Variants in GPR15LG observed in about 807,000 individuals in gnomAD.
GPR15LG encodes the protein G protein-coupled receptor 15 ligand.
chr10:84,180,202 G>T, the GPR15LG span, among the ~76,000 whole-genome samples: 1 of 152,254 alleles, frequency 6.6e-6, no homozygotes, highest in East Asian at 1.9e-4. Context: ...TGGGGGTAAG[G>T]TTATAGATTA....
At chr10:84,177,893 C>G in the GPR15LG span, among the ~76,000 whole-genome samples, 37 of 152,278 alleles carry the variant, frequency 2.4e-4, no homozygotes, top group Non-Finnish European at 2.5e-4. Context: ...ACCAACTGCT[C>G]AGAGGCAGGA....
the GPR15LG span, chr10:84,185,270 A>G: frequency 5.7e-6 from 1 of 174,428 alleles, no homozygotes; most frequent in African/African-American, 2.4e-5. Context: ...GTAATAAATA[A>G]ATAAATAAAC....
chr10:84,180,433 C>T, the GPR15LG span, among the ~76,000 whole-genome samples: 6 of 151,432 alleles, frequency 4.0e-5, no homozygotes. Flanking sequence ...CAGAGGGGCT[C>T]CTCAGTTCCC....
At chr10:84,183,396 G>A in the GPR15LG span, among the ~76,000 whole-genome samples, 1 of 152,310 alleles carries the variant, frequency 6.6e-6, no homozygotes, top group East Asian at 1.9e-4. Flanking sequence ...TCTGAAAACA[G>A]AAGGAGAAAG....
At chr10:84,175,799 C>A in the GPR15LG span, among the ~76,000 whole-genome samples, 2 of 152,224 alleles carry the variant, frequency 1.3e-5, no homozygotes, top group South Asian at 2.1e-4. Context: ...AGCCACCACA[C>A]CTGGCCTACT....
chr10:84,174,547 G>T, the GPR15LG span, among the ~76,000 whole-genome samples: 3 of 137,504 alleles, frequency 2.2e-5, no homozygotes, highest in Non-Finnish European at 4.5e-5. Flanking sequence ...AGGCTGGAGT[G>T]CAGTGGCGCT....
At chr10:84,185,217 C>T in the GPR15LG span, 42 of 294,180 alleles carry the variant, frequency 1.4e-4, no homozygotes, top group African/African-American at 9.6e-4. Flanking sequence ...CCCTTCCTAG[C>T]CTCCTGACAT....
chr10:84,181,199 G>A, the GPR15LG span, among the ~76,000 whole-genome samples: 241 of 89,322 alleles, frequency 2.7e-3, 4 homozygotes, highest in Non-Finnish European at 4.3e-3. Context: ...GGGAGAGGGA[G>A]AGGGAGAGGG....
At chr10:84,182,133 C>G in the GPR15LG span, among the ~76,000 whole-genome samples, 1 of 152,224 alleles carries the variant, frequency 6.6e-6, no homozygotes, top group East Asian at 1.9e-4. Context: ...GGAGCTCGGA[C>G]TGCATGAACA....
At chr10:84,179,801 A>G in the GPR15LG span, among the ~76,000 whole-genome samples, 3 of 152,046 alleles carry the variant, frequency 2.0e-5, no homozygotes, top group African/African-American at 7.3e-5. Context: ...AATGGGACAA[A>G]AACATCTTCA....
At chr10:84,176,092 T>C in the GPR15LG span, among the ~76,000 whole-genome samples, 4 of 152,024 alleles carry the variant, frequency 2.6e-5, no homozygotes, top group South Asian at 6.2e-4. Context: ...TTCTCCATGT[T>C]GGTCAGGCTG....
chr10:84,182,840 T>G, the GPR15LG span, among the ~76,000 whole-genome samples: 42,566 of 151,984 alleles, frequency 0.28, 6,430 homozygotes, highest in African/African-American at 0.38. Context: ...CCAGAGAAGA[T>G]AGTCTTGGGA....
chr10:84,181,905 TCTA>T, the GPR15LG span, among the ~76,000 whole-genome samples: 5 of 152,222 alleles, frequency 3.3e-5, no homozygotes, highest in Non-Finnish European at 5.9e-5. Flanking sequence ...CCACCTTCTT[TCTA>T]CGCATCCTGG....
At chr10:84,184,554 GA>G in the GPR15LG span, 862 of 968,608 alleles carry the variant, frequency 8.9e-4, no homozygotes, top group African/African-American at 2.5e-3. Flanking sequence ...TTCTTGCTTT[GA>G]AATTTTTTTT....
the GPR15LG span, among the ~76,000 whole-genome samples, chr10:84,175,074 T>C: frequency 6.6e-6 from 1 of 152,238 alleles, no homozygotes; most frequent in African/African-American, 2.4e-5. Flanking sequence ...TTTATCACTA[T>C]ATATATTGTT....
the GPR15LG span, chr10:84,184,541 T>C: frequency 3.4e-6 from 3 of 895,358 alleles, no homozygotes; most frequent in Admixed American, 6.1e-5. Flanking sequence ...GCATAAGATC[T>C]AATTCTTGCT....
At chr10:84,178,960 T>A in the GPR15LG span, among the ~76,000 whole-genome samples, 1 of 152,206 alleles carries the variant, frequency 6.6e-6, no homozygotes, top group Non-Finnish European at 1.5e-5. Flanking sequence ...AAACTGAGAC[T>A]GAGAAAGAAA....
At chr10:84,180,683 G>T in the GPR15LG span, among the ~76,000 whole-genome samples, 40 of 152,320 alleles carry the variant, frequency 2.6e-4, 1 homozygote, top group East Asian at 6.2e-3. Flanking sequence ...CCTAGACGGG[G>T]TGGCGGCCGG....
chr10:84,183,616 G>A, the GPR15LG span, among the ~76,000 whole-genome samples: 1 of 151,838 alleles, frequency 6.6e-6, no homozygotes. Context: ...CCATCATCAT[G>A]AATTATCATT....
Sources: allele counts gnomAD v4.1 joint callset (sites outside exome capture counted in the v4.1 genomes callset), GRCh38; gene constraint gnomAD v4.1.1; transcripts MANE v1.5; gene names NCBI Gene and HGNC (gene_info 2026-07-23, HGNC 2026-07-21).